Variants in RASSF6 observed in about 807,000 individuals in gnomAD.
RASSF6 encodes Ras association domain family member 6, also known as ras association domain-containing protein 6.
RASSF6 carries 52 observed loss-of-function variants against 44.0 expected under a neutral mutation model. That is an observed-to-expected ratio of 1.18 (90% CI 0.95 to 1.49). The LOEUF (loss-of-function observed/expected upper bound fraction) is 1.49. Among genes scored for constraint, RASSF6 ranks in the 40% most tolerant of loss-of-function variants. The pLI is 0.00. For synonymous variants in RASSF6, 162 were observed against 124.6 expected (o/e 1.30, Z -2.00); for missense variants, 464 against 393.3 (o/e 1.18, Z -1.52).
At chr4:73,582,339 G>A in intron 6 of RASSF6, 49 bp from the exon 7 acceptor site, 1 of 912,796 alleles carries the variant, frequency 1.1e-6, no homozygotes, top group South Asian at 1.9e-5. Flanking sequence ...TTATATTAAG[G>A]GTATTCAATA....
chr4:73,585,844 A>G (rs1453413720), intron 5 of RASSF6, among the ~76,000 whole-genome samples: 1 of 151,226 alleles, frequency 6.6e-6, no homozygotes, highest in Non-Finnish European at 1.5e-5. Context: ...TTATTTTATT[A>G]TTATTATACT....
intron 1 of RASSF6, among the ~76,000 whole-genome samples, chr4:73,616,990 TAAC>T (rs1726405725): frequency 6.6e-6 from 1 of 152,212 alleles, no homozygotes; most frequent in African/African-American, 2.4e-5. Flanking sequence ...GGAAAAGAGT[TAAC>T]AGAGTGATGG....
At position 73,582,197 on chromosome 4, in the gene RASSF6, T is replaced by G. The variant is rs1723706176; in HGVS notation, c.661A>C (p.Lys221Gln). The G allele has an allele frequency of 1.3e-6, 2 of 1,520,270 alleles. No homozygotes were observed. Among genetic ancestry groups the G allele is most frequent in the Non-Finnish European group, 1.8e-6 (2 of 1,105,520 alleles). 94.2% of individuals were successfully genotyped at this position (1,520,270 alleles called of 1,614,324 possible). The change falls in exon 7 of 11, where the codon AAA (lysine) becomes CAA (glutamine). Residue 221 changes from lysine to glutamine, a missense_variant. Coordinates refer to ENST00000307439, the MANE Select transcript of RASSF6 (RefSeq NM_177532.5). ...TEEVIKQLLQ[K>Q]FKIENSPQDF... ...TAAGTGATAAAGGTTACCTTAAATT[T>G]TTGGAGAAGTTGCTTTATTACTTCT...
chr4:73,590,317 C>T (rs964011534), intron 4 of RASSF6, among the ~76,000 whole-genome samples: 1 of 152,176 alleles, frequency 6.6e-6, no homozygotes, highest in African/African-American at 2.4e-5. Context: ...CTGAAAGACA[C>T]AAGATTATAG....
chr4:73,596,300 C>T (rs1724939561), intron 3 of RASSF6, among the ~76,000 whole-genome samples: 1 of 152,182 alleles, frequency 6.6e-6, no homozygotes, highest in African/African-American at 2.4e-5. Context: ...TCTCAGGATA[C>T]AAAATCGATG....
At chr4:73,576,823 T>A (rs566071762) in intron 8 of RASSF6, 92 bp from the exon 9 acceptor site, 14 of 824,882 alleles carry the variant, frequency 1.7e-5, no homozygotes, top group African/African-American at 1.4e-4. Context: ...CGTATTTAAC[T>A]CACTTTGAAA....
intron 1 of RASSF6, among the ~76,000 whole-genome samples, chr4:73,617,453 G>A (rs144577240): frequency 3.7e-4 from 56 of 152,258 alleles, no homozygotes; most frequent in Non-Finnish European, 6.8e-4. Flanking sequence ...AGCATCTTCT[G>A]GAATTACTGG....
intron 5 of RASSF6, among the ~76,000 whole-genome samples, chr4:73,587,502 A>C (rs1724188920): frequency 6.6e-6 from 1 of 152,066 alleles, no homozygotes; most frequent in South Asian, 2.1e-4. Context: ...GGGAATAATA[A>C]ATGACTCTAA....
At chr4:73,616,010 G>A in intron 1 of RASSF6, 1 of 1,339,120 alleles carries the variant, frequency 7.5e-7, no homozygotes, top group Non-Finnish European at 1.0e-6. Flanking sequence ...TTAATTAAAT[G>A]GTTACATATC....
At chr4:73,614,723 G>A (rs1726233741) in intron 1 of RASSF6, among the ~76,000 whole-genome samples, 1 of 152,210 alleles carries the variant, frequency 6.6e-6, no homozygotes, top group African/African-American at 2.4e-5. Context: ...GATCTATGCT[G>A]AGGTAACTCA....
At chr4:73,587,566 T>A (rs528459533) in intron 5 of RASSF6, among the ~76,000 whole-genome samples, 1 of 152,018 alleles carries the variant, frequency 6.6e-6, no homozygotes, top group Non-Finnish European at 1.5e-5. Context: ...TTAAAACTAT[T>A]AGCTCTCCCT....
chr4:73,584,948 A>G (rs1461247034), intron 6 of RASSF6, among the ~76,000 whole-genome samples: 3 of 152,116 alleles, frequency 2.0e-5, no homozygotes, highest in Non-Finnish European at 4.4e-5. Context: ...CAAGTAAAGA[A>G]AATAATGGTA....
At chr4:73,592,370 T>C (rs1724618987) in intron 4 of RASSF6, among the ~76,000 whole-genome samples, 1 of 152,154 alleles carries the variant, frequency 6.6e-6, no homozygotes, top group East Asian at 1.9e-4. Context: ...TGCCAGCTCA[T>C]CTAACAATGG....
At chr4:73,578,130 A>C in intron 8 of RASSF6, among the ~76,000 whole-genome samples, 1 of 152,120 alleles carries the variant, frequency 6.6e-6, no homozygotes, top group East Asian at 1.9e-4. Context: ...AAAGAACTAC[A>C]TTTTTTATAA....
chr4:73,607,408 T>C (rs1345116680), intron 2 of RASSF6, among the ~76,000 whole-genome samples: 1 of 152,204 alleles, frequency 6.6e-6, no homozygotes, highest in Non-Finnish European at 1.5e-5. Flanking sequence ...GCAGATTTCC[T>C]GTGTCAGAAA....
In RASSF6 at chr4:73,575,255, T is replaced by C. The variant is rs1320243932; in HGVS notation, c.*980A>G. ...TAATTCCATTTTAATACAGAATTTA[T>C]AAATAAAATCATAGTTTATACTTAT... On this transcript the variant is annotated 3_prime_UTR_variant, in exon 11 of 11. Coordinates refer to ENST00000307439, the MANE Select transcript of RASSF6 (RefSeq NM_177532.5). 2 of 152,200 alleles carry C rather than the reference T, an allele frequency of 1.3e-5. No homozygotes were observed. The highest frequency in any genetic ancestry group is 4.8e-5 in the African/African-American group (2 of 41,458). 9.4% of individuals were successfully genotyped at this position (152,200 alleles called of 1,614,324 possible).
intron 8 of RASSF6, among the ~76,000 whole-genome samples, chr4:73,578,654 G>A (rs1406747452): frequency 1.6e-5 from 2 of 121,736 alleles, no homozygotes; most frequent in East Asian, 4.9e-4. Flanking sequence ...TTTTTTTTTA[G>A]ACGGAGTGCA....
chr4:73,604,431 A>ACC (rs1325142873), intron 2 of RASSF6: 1 of 152,272 alleles, frequency 6.6e-6, no homozygotes. Flanking sequence ...TGGAGATCAC[A>ACC]CCACTGCACT....
chr4:73,581,734 G>T (rs1231411435), intron 8 of RASSF6, 83 bp downstream of exon 8: 4 of 871,470 alleles, frequency 4.6e-6, no homozygotes, highest in African/African-American at 3.4e-5. Context: ...ACAGAATGAG[G>T]CAAACTGTTC....
Sources: gnomAD v4.1 joint callset for allele counts (sites outside exome capture counted in the v4.1 genomes callset) on GRCh38, gnomAD v4.1.1 for gene constraint, MANE v1.5 for transcripts, NCBI Gene and HGNC (gene_info 2026-07-23, HGNC 2026-07-21) for gene names.